Variants in CLSTN2 observed in about 807,000 individuals in gnomAD.
CLSTN2 encodes calsyntenin 2.
A neutral mutation model predicts 101.2 loss-of-function variants in CLSTN2; 48 were observed. That is an observed-to-expected ratio of 0.47 (90% CI 0.38 to 0.60). CLSTN2 has a LOEUF of 0.60. CLSTN2 is among the 20% of genes least tolerant of loss of function. CLSTN2 has a pLI of 0.00. For synonymous variants in CLSTN2, 481 were observed against 463.6 expected, an observed-to-expected ratio of 1.04 and a Z score of -0.48; for missense variants, 1,160 against 1,238.2, an observed-to-expected ratio of 0.94 and a Z score of 0.95.
intron 1 of CLSTN2, among the ~76,000 whole-genome samples, chr3:139,998,292 T>C (rs1360175158): frequency 1.4e-5 from 2 of 146,618 alleles, no homozygotes; most frequent in African/African-American, 5.1e-5. Flanking sequence ...TCTCCCAACC[T>C]CAGTTTTAAA....
intron 3 of CLSTN2, 89 bp downstream of exon 3, chr3:140,403,913 C>T (rs1245038158): frequency 9.0e-7 from 1 of 1,106,222 alleles, no homozygotes; most frequent in Admixed American, 2.4e-5. Flanking sequence ...TATGTTTACC[C>T]TCTTGTCACA....
At chr3:140,000,327 T>C (rs890186464) in intron 1 of CLSTN2, among the ~76,000 whole-genome samples, 3 of 152,218 alleles carry the variant, frequency 2.0e-5, no homozygotes, top group African/African-American at 7.2e-5. Flanking sequence ...TTAGCACTTA[T>C]TAATATTTTG....
rs181458078 is a variant in CLSTN2 at position 140,196,288 on chromosome 3, G to T, written c.232+20215G>T. On this transcript the variant is annotated intron_variant, in intron 2 of 16. Coordinates refer to ENST00000458420, the MANE Select transcript of CLSTN2 (RefSeq NM_022131.3). ...CAAATCTCATGACAGAGGAAGGCGGGGGAAAAATCCAAGTCACACTAACGA... is the reference window on the plus strand; with the variant it reads ...CAAATCTCATGACAGAGGAAGGCGGTGGAAAAATCCAAGTCACACTAACGA... Among the ~76,000 whole-genome samples the T allele has an allele frequency of 5.9e-5, 9 of 152,302 alleles. No homozygotes were observed. In the East Asian group the frequency reaches 1.5e-3, roughly 26 times the overall value.
At chr3:140,297,249 A>G (rs1337545562) in intron 2 of CLSTN2, among the ~76,000 whole-genome samples, 1 of 152,160 alleles carries the variant, frequency 6.6e-6, no homozygotes, top group Non-Finnish European at 1.5e-5. Context: ...CTGAAAGGCA[A>G]TTTTGCACAG....
chr3:140,327,994 C>G (rs572848606), intron 2 of CLSTN2, among the ~76,000 whole-genome samples: 49 of 152,282 alleles, frequency 3.2e-4, no homozygotes, highest in Admixed American at 7.8e-4. Flanking sequence ...AATCCCAGCC[C>G]TCTGAGGGCA....
chr3:140,413,525 G>A (rs1000966759), intron 4 of CLSTN2, among the ~76,000 whole-genome samples: 21 of 152,070 alleles, frequency 1.4e-4, no homozygotes, highest in Non-Finnish European at 2.8e-4. Flanking sequence ...CTGAAGAGGA[G>A]GGAACACTTT....
intron 7 of CLSTN2, chr3:140,460,920 CCACTTCTTAAGGCATGAT>C (rs1933548596): frequency 6.6e-6 from 1 of 152,210 alleles, no homozygotes; most frequent in South Asian, 2.1e-4. Context: ...CTCAGCTTGA[CCACTTCTTAAGGCATGAT>C]CTTTGAGGAG....
At chr3:140,244,710 C>G (rs1452496914) in intron 2 of CLSTN2, among the ~76,000 whole-genome samples, 2 of 152,150 alleles carry the variant, frequency 1.3e-5, no homozygotes, top group Admixed American at 1.3e-4. Flanking sequence ...TCCTATTGAA[C>G]ACCTTCCCAA....
intron 2 of CLSTN2, among the ~76,000 whole-genome samples, chr3:140,269,296 G>T (rs1364322749): frequency 6.6e-6 from 1 of 152,172 alleles, no homozygotes; most frequent in East Asian, 1.9e-4. Flanking sequence ...GTCCCCAATA[G>T]CTTTATTGGA....
At chr3:140,229,718 A>G (rs554265752) in intron 2 of CLSTN2, among the ~76,000 whole-genome samples, 1 of 151,948 alleles carries the variant, frequency 6.6e-6, no homozygotes. Flanking sequence ...CACCTTCTCC[A>G]CACATTCCTC....
chr3:139,982,005 T>C (rs550284391), intron 1 of CLSTN2, among the ~76,000 whole-genome samples: 1 of 151,770 alleles, frequency 6.6e-6, no homozygotes, highest in South Asian at 2.1e-4. Context: ...GAGCATTCCC[T>C]TTCCTCTATT....
In CLSTN2 at chr3:140,459,842, T is replaced by G. The variant is rs186701664; in HGVS notation, c.1222+73T>G. The G allele has an allele frequency of 3.3e-6, 5 of 1,527,878 alleles. No homozygotes were observed. The African/African-American group carries it at 4.1e-5, about 12-fold the overall frequency. The allele number at this position is 1,527,878 out of a possible 1,614,324, so 94.6% of individuals were successfully genotyped here. ...CCATTTTGTCACAGGTGGCTGGACA[T>G]GGACACAGCCAAGGAGGATGTGGAA... On this transcript the variant is annotated intron_variant, in intron 7 of 16. Transcript: ENST00000458420.
intron 8 of CLSTN2, 123 bp downstream of exon 8, chr3:140,466,854 A>C (rs499839): frequency 0.28 from 379,144 of 1,331,910 alleles, 54,566 homozygotes; most frequent in Admixed American, 0.42. Flanking sequence ...TTTTGGAAAA[A>C]TCAGCTTAGG....
At chr3:140,481,874 A>C (rs1934124407) in intron 8 of CLSTN2, among the ~76,000 whole-genome samples, 1 of 152,142 alleles carries the variant, frequency 6.6e-6, no homozygotes, top group Non-Finnish European at 1.5e-5. Context: ...TTTCTAAATA[A>C]ACAATCATGT....
Position 140,562,904 on chromosome 3 carries a change from T to G in CLSTN2, c.2306T>G (p.Ile769Ser). ...TCCCTTGAGGCCCGGCGTTTCCGGA[T>G]TAAGTGCTCAGAACTCAATGGGCGC... ...PASLEARRFR[I>S]KCSELNGRYT... Residue 769 changes from isoleucine (I) to serine (S), a missense_variant, in exon 14 of 17, where the codon ATT becomes AGT. Transcript: ENST00000458420. 2 of 1,614,138 alleles carry G rather than the reference T, an allele frequency of 1.2e-6. No homozygotes were observed. The highest frequency in any genetic ancestry group is 1.7e-6 in the Non-Finnish European group (2 of 1,180,008).
rs550776042 is a variant in CLSTN2 at position 140,001,254 on chromosome 3, T to C, written c.109+65771T>C. Among the ~76,000 whole-genome samples the C allele has an allele frequency of 5.9e-5, 9 of 152,230 alleles. No homozygotes were observed. The East Asian group carries it at 1.7e-3, about 29-fold the overall frequency. On this transcript the variant is annotated intron_variant, in intron 1 of 16. Transcript: ENST00000458420. ...TGTTTCCCACAGAGCTCTTGTGCTC[T>C]TCTCTTCTCCTCCCATCCTTTTTTC... is the stretch of plus-strand genomic sequence containing the variant.
chr3:140,413,224 A>G (rs1017640345), intron 4 of CLSTN2, among the ~76,000 whole-genome samples: 16 of 152,170 alleles, frequency 1.1e-4, no homozygotes, highest in African/African-American at 3.9e-4. Context: ...AACTGATACC[A>G]CTGAAATAAT....
chr3:140,329,279 C>T (rs775385526), intron 2 of CLSTN2, among the ~76,000 whole-genome samples: 1 of 152,220 alleles, frequency 6.6e-6, no homozygotes. Context: ...ATCCCACCTA[C>T]TCAGGAAGGT....
intron 1 of CLSTN2, among the ~76,000 whole-genome samples, chr3:140,026,845 G>A (rs1037184929): frequency 2.0e-5 from 3 of 152,180 alleles, no homozygotes; most frequent in African/African-American, 7.2e-5. Flanking sequence ...TGGTCAGATT[G>A]ACATTGCTGT....
Sources: gnomAD v4.1 joint callset for allele counts (sites outside exome capture counted in the v4.1 genomes callset) on GRCh38, gnomAD v4.1.1 for gene constraint, MANE v1.5 for transcripts, NCBI Gene and HGNC (gene_info 2026-07-23, HGNC 2026-07-21) for gene names.